ARID5B: variants seen among roughly 807,000 people sequenced by gnomAD.
ARID5B encodes AT-rich interactive domain-containing protein 5B.
In ARID5B, 13 loss-of-function variants were observed where a neutral mutation model predicts 97.2. The ratio of observed to expected loss-of-function variants is 0.13; its 90% CI spans 0.09 to 0.21. The LOEUF (loss-of-function observed/expected upper bound fraction) is 0.21, where lower values mean the gene tolerates loss of function less well. Among genes scored for constraint, ARID5B ranks in the 10% least tolerant of loss-of-function variants. The probability of loss-of-function intolerance (pLI) is 1.00; values close to 1 mark genes in which losing one functional copy is unlikely to be tolerated. For synonymous variants in ARID5B, 556 were observed against 570.3 expected (o/e 0.97, Z 0.36); for missense variants, 1,210 against 1,465.3 (o/e 0.83, Z 2.84).
intron 5 of ARID5B, among the ~76,000 whole-genome samples, chr10:62,053,074 T>G (rs1839812102): frequency 6.6e-6 from 1 of 152,198 alleles, no homozygotes; most frequent in Non-Finnish European, 1.5e-5. Context: ...ACATCTGGGA[T>G]GAGGACAGTC....
chr10:61,997,016 G>A (rs193041988), intron 3 of ARID5B, among the ~76,000 whole-genome samples: 1 of 152,050 alleles, frequency 6.6e-6, no homozygotes, highest in Non-Finnish European at 1.5e-5. Context: ...TGGGATGCTT[G>A]TTGAAAAGGT....
chr10:62,067,352 G>A (rs1840007616), intron 7 of ARID5B, among the ~76,000 whole-genome samples: 1 of 152,202 alleles, frequency 6.6e-6, no homozygotes. Flanking sequence ...CAAAGTGCTG[G>A]GGTTATAGGC....
In ARID5B at chr10:61,909,763, G is replaced by A. The variant is rs146289397; in HGVS notation, c.276+7350G>A. Among the ~76,000 whole-genome samples the A allele has an allele frequency of 1.5e-3, 232 of 152,260 alleles. No individual in the cohort carries two copies. In the Middle Eastern group the frequency reaches 0.024, roughly 16 times the overall value. On this transcript the variant is annotated intron_variant, in intron 2 of 9. Coordinates refer to ENST00000279873, the MANE Select transcript of ARID5B (RefSeq NM_032199.3). The stretch of plus-strand genomic sequence containing the variant: ...TCATTCACATGTGGGCCAGATCCAC[G>A]ACCCCATCTCACACTTCTTCTTTCT...
At position 61,915,203 on chromosome 10, in the gene ARID5B, G is replaced by A. The variant is rs147741349; in HGVS notation, c.276+12790G>A. Among the ~76,000 whole-genome samples the A allele has an allele frequency of 4.6e-5, 7 of 152,292 alleles. No individual in the cohort carries two copies. The South Asian group carries it at 1.2e-3, about 27-fold the overall frequency. On this transcript the variant is annotated intron_variant, in intron 2 of 9. Transcript: ENST00000279873. ...AAGTCTCAGACTCAGTACCTCCAGC[G>A]TGACTTTGTGTGCAGCCCAGCACTG...
chr10:61,919,989 A>G (rs1175662911), intron 2 of ARID5B, among the ~76,000 whole-genome samples: 1 of 152,118 alleles, frequency 6.6e-6, no homozygotes, highest in Non-Finnish European at 1.5e-5. Flanking sequence ...TAGATCAGTA[A>G]TTCAAGAGAC....
intron 4 of ARID5B, among the ~76,000 whole-genome samples, chr10:62,019,984 C>T (rs1314058076): frequency 1.3e-5 from 2 of 152,156 alleles, no homozygotes; most frequent in Non-Finnish European, 2.9e-5. Flanking sequence ...ACCCTCCTAA[C>T]TGTGACCCTC....
intron 4 of ARID5B, among the ~76,000 whole-genome samples, chr10:62,042,715 T>A (rs1839654278): frequency 6.6e-6 from 1 of 151,640 alleles, no homozygotes; most frequent in African/African-American, 2.4e-5. Flanking sequence ...ATCGAAACCA[T>A]CCTGGCTAAC....
chr10:62,062,921 G>A (rs1839940544), intron 7 of ARID5B, among the ~76,000 whole-genome samples: 3 of 152,024 alleles, frequency 2.0e-5, no homozygotes, highest in African/African-American at 7.2e-5. Flanking sequence ...CTGACTCACT[G>A]AGAATTTGGT....
At chr10:62,055,410 A>C (rs1016835067) in intron 5 of ARID5B, among the ~76,000 whole-genome samples, 2 of 152,210 alleles carry the variant, frequency 1.3e-5, no homozygotes, top group East Asian at 3.8e-4. Context: ...AGTTTGAAAT[A>C]ACACATAAAC....
intron 9 of ARID5B, among the ~76,000 whole-genome samples, chr10:62,088,109 C>T (rs1840317034): frequency 6.6e-6 from 1 of 152,120 alleles, no homozygotes; most frequent in South Asian, 2.1e-4. Flanking sequence ...TCAAATGATC[C>T]TCCTGCCTTG....
At chr10:61,953,117 T>C (rs200734502) in intron 3 of ARID5B, among the ~76,000 whole-genome samples, 1 of 152,178 alleles carries the variant, frequency 6.6e-6, no homozygotes, top group East Asian at 1.9e-4. Context: ...ACCGTTTTAA[T>C]CTTCGCCTCC....
At chr10:62,019,048 C>T (rs1239517065) in intron 4 of ARID5B, among the ~76,000 whole-genome samples, 1 of 152,170 alleles carries the variant, frequency 6.6e-6, no homozygotes, top group Non-Finnish European at 1.5e-5. Flanking sequence ...GAAGCTCCTT[C>T]CATCAATCAG....
Position 62,095,740 on chromosome 10 carries a change from G to A in ARID5B, c.*2710G>A, listed in dbSNP as rs1840460660. 4.3e-6 allele frequency: 1 copy of A among 232,150 alleles called. No individual in the cohort carries two copies. The highest frequency in any genetic ancestry group is 8.5e-6 in the Non-Finnish European group (1 of 117,106). 14.4% of individuals were successfully genotyped at this position (232,150 alleles called of 1,614,324 possible). A position where few individuals can be genotyped will look rare whatever the true frequency, so the allele number is the denominator to read the frequency against. ...TTGGCTGAGAACGACGTTTTAAAATGTCTTAAATAAGGCTTTGTTTGCATT... is the reference window on the plus strand; with the variant it reads ...TTGGCTGAGAACGACGTTTTAAAATATCTTAAATAAGGCTTTGTTTGCATT... On this transcript the variant is annotated 3_prime_UTR_variant, in exon 10 of 10. Coordinates refer to ENST00000279873, the MANE Select transcript of ARID5B (RefSeq NM_032199.3).
intron 2 of ARID5B, among the ~76,000 whole-genome samples, chr10:61,926,184 C>CATGAGT (rs752896263): frequency 1.1e-4 from 17 of 152,090 alleles, no homozygotes; most frequent in Non-Finnish European, 2.2e-4. Context: ...TGATTTCTGC[C>CATGAGT]GTCTTTCTTT....
At chr10:61,928,792 T>G (rs894541064) in intron 2 of ARID5B, among the ~76,000 whole-genome samples, 2 of 152,236 alleles carry the variant, frequency 1.3e-5, no homozygotes, top group African/African-American at 4.8e-5. Context: ...TTTCTGACTT[T>G]CTTGGATTCC....
rs749477102 is a variant in ARID5B at position 62,091,689 on chromosome 10, C to A, written c.2226C>A (p.Asp742Glu). 7.4e-6 allele frequency: 12 copies of A among 1,614,060 alleles called. 1 individual carries two copies. In the South Asian group the frequency reaches 1.3e-4, roughly 18 times the overall value. ...AGACCCACCATGGCCAAAGCACTGA[C>A]CATATGGCGGTCAGCCGGCCATCAG... The part of the protein sequence containing the change: ...LSQTHHGQST[D>E]HMAVSRPSVI... The change falls in exon 10 of 10, where the codon GAC (aspartate) becomes GAA (glutamate). Residue 742 changes from aspartate to glutamate, a missense_variant. Asp to Glu is a conservative substitution (Grantham distance 45). Coordinates refer to ENST00000279873, the MANE Select transcript of ARID5B (RefSeq NM_032199.3).
At chr10:61,983,759 AT>A (rs775480617) in intron 3 of ARID5B, among the ~76,000 whole-genome samples, 6 of 152,006 alleles carry the variant, frequency 3.9e-5, no homozygotes, top group Non-Finnish European at 4.4e-5. Flanking sequence ...AAAAAAAAAA[AT>A]GAAAAAGGAA....
At chr10:61,929,749 C>G (rs554918205) in intron 2 of ARID5B, among the ~76,000 whole-genome samples, 1 of 152,328 alleles carries the variant, frequency 6.6e-6, no homozygotes, top group Admixed American at 6.5e-5. Flanking sequence ...CACTAATACT[C>G]ATATCCTGTA....
intron 2 of ARID5B, among the ~76,000 whole-genome samples, chr10:61,924,127 C>A (rs1844062078): frequency 6.6e-6 from 1 of 152,184 alleles, no homozygotes; most frequent in Admixed American, 6.5e-5. Flanking sequence ...TGGAAAGCTG[C>A]ACAAGTTTTC....
Sources: allele counts gnomAD v4.1 joint callset (sites outside exome capture counted in the v4.1 genomes callset), GRCh38; gene constraint gnomAD v4.1.1; transcripts MANE v1.5; gene names NCBI Gene and HGNC (gene_info 2026-07-23, HGNC 2026-07-21).